Variants in TSPAN1 observed in about 807,000 individuals in gnomAD.
TSPAN1 encodes tetraspanin-1.
A neutral mutation model predicts 26.9 loss-of-function variants in TSPAN1; 23 were observed. That is an observed-to-expected ratio of 0.85 (90% CI 0.62 to 1.21). The LOEUF is 1.21. TSPAN1 is among the 50% of genes most tolerant of loss of function. TSPAN1 has a pLI of 0.00. For missense variants in TSPAN1, 283 were observed against 298.4 expected, an observed-to-expected ratio of 0.95 and a Z score of 0.38; for synonymous variants, 115 against 114.8, an observed-to-expected ratio of 1.00 and a Z score of -0.01.
intron 1 of TSPAN1, among the ~76,000 whole-genome samples, chr1:46,177,703 G>A (rs536944191): frequency 2.6e-5 from 4 of 152,338 alleles, no homozygotes; most frequent in African/African-American, 2.4e-5. Flanking sequence ...CTGGAAATAC[G>A]TGTGTTGGAC....
chr1:46,193,763 G>A, the TSPAN1 span: 1 of 1,597,256 alleles, frequency 6.3e-7, no homozygotes, highest in African/African-American at 1.3e-5. Flanking sequence ...AGAATCTATT[G>A]CCTTTCTGCC....
the TSPAN1 span, chr1:46,194,395 T>A: frequency 8.7e-6 from 14 of 1,614,072 alleles, no homozygotes; most frequent in Non-Finnish European, 1.2e-5. Context: ...CCAGTGGCAC[T>A]CTGCCTCTGA....
chr1:46,190,891 G>A, downstream of TSPAN1: 11 of 1,042,726 alleles, frequency 1.1e-5, no homozygotes, highest in South Asian at 2.6e-5. Context: ...TCCTAGACCT[G>A]TAAAGAGCCC....
intron 1 of TSPAN1, chr1:46,175,973 A>C (rs1273700790): frequency 1.9e-6 from 1 of 522,922 alleles, no homozygotes; most frequent in Non-Finnish European, 3.4e-6. Context: ...CCCGGGTTCA[A>C]GCAATTCTCC....
intron 3 of TSPAN1, among the ~76,000 whole-genome samples, chr1:46,182,538 C>T (rs1350404893): frequency 2.0e-5 from 3 of 151,772 alleles, no homozygotes; most frequent in African/African-American, 4.8e-5. Flanking sequence ...GGTGAAACCC[C>T]GTCTCTACTA....
At chr1:46,189,496 G>C, downstream of TSPAN1, 1 of 1,613,676 alleles carries the variant, frequency 6.2e-7, no homozygotes, top group African/African-American at 1.3e-5. Context: ...TCAGGAAGTG[G>C]TTCTTCTTCC....
chr1:46,176,360 T>G, intron 1 of TSPAN1: 2 of 1,535,764 alleles, frequency 1.3e-6, no homozygotes, highest in Non-Finnish European at 1.7e-6. Flanking sequence ...CTTCTGCGGC[T>G]ACACTTGAAC....
chr1:46,193,051 C>T, the TSPAN1 span: 13 of 1,602,518 alleles, frequency 8.1e-6, no homozygotes, highest in Non-Finnish European at 1.1e-5. Flanking sequence ...GCAGCATTAC[C>T]CCCATTTTCC....
chr1:46,184,154 G>A, intron 3 of TSPAN1, 37 bp from the exon 4 acceptor site: 1 of 1,609,308 alleles, frequency 6.2e-7, no homozygotes, highest in Non-Finnish European at 8.5e-7. Flanking sequence ...CTACTTGCCA[G>A]CACTGTTTAA....
the TSPAN1 span, chr1:46,195,341 G>T: frequency 2.7e-6 from 1 of 376,450 alleles, no homozygotes; most frequent in Non-Finnish European, 5.1e-6. Context: ...TTTCCACCTG[G>T]AATGCTCTTC....
rs1428290152 is a variant in TSPAN1 at position 46,184,916 on chromosome 1, G to A, written c.438+33G>A. 4 of 1,614,000 alleles carry A rather than the reference G, an allele frequency of 2.5e-6. No homozygotes were observed. The African/African-American group carries it at 4.0e-5, about 16-fold the overall frequency. ...TGGCTGGGGGAGGTTTTAGGGTGGA[G>A]AGAAAGAAGCAAGGCCCCACCTCCA... is the stretch of plus-strand genomic sequence containing the variant. On this transcript the variant is annotated intron_variant, in intron 6 of 8. Transcript: ENST00000372003.
chr1:46,181,010 TG>T, intron 2 of TSPAN1, 89 bp from the exon 3 acceptor site: 2 of 1,095,510 alleles, frequency 1.8e-6, no homozygotes, highest in Non-Finnish European at 2.7e-6. Context: ...TCCTGGGGTC[TG>T]GCATATCTGG....
the TSPAN1 span, chr1:46,192,286 C>G: frequency 3.0e-5 from 48 of 1,614,172 alleles, no homozygotes; most frequent in Non-Finnish European, 3.7e-5. Context: ...CTCCAGCCCC[C>G]TCACCCTACC....
At chr1:46,184,522 G>T (rs530889600) in intron 4 of TSPAN1, 72 bp from the exon 5 acceptor site, 22 of 1,605,708 alleles carry the variant, frequency 1.4e-5, no homozygotes, top group Admixed American at 1.2e-4. Context: ...ACTTTTCCGG[G>T]GGGGGGATTA....
chr1:46,194,569 T>C, the TSPAN1 span: 20 of 1,613,922 alleles, frequency 1.2e-5, no homozygotes, highest in Admixed American at 3.3e-5. Context: ...CTGAGCTCAA[T>C]GGCACATCTG....
chr1:46,189,890 T>C (rs1657615658), downstream of TSPAN1: 4 of 1,613,892 alleles, frequency 2.5e-6, no homozygotes, highest in Non-Finnish European at 1.7e-6. Context: ...AGTCATCATC[T>C]TTCTCCATTC....
chr1:46,184,338 G>C lies in TSPAN1; in HGVS notation c.205G>C (p.Ala69Pro). 1 of 1,614,172 alleles carries C rather than the reference G, an allele frequency of 6.2e-7. No individual in the cohort carries two copies. Among genetic ancestry groups the C allele is most frequent in the Non-Finnish European group, 8.5e-7 (1 of 1,180,020 alleles). Residue 69 changes from alanine to proline, a missense_variant, in exon 4 of 9, where the codon GCT becomes CCT. Coordinates refer to ENST00000372003, the MANE Select transcript of TSPAN1 (RefSeq NM_005727.4). ...CATCGCAGCCGGCGTTGTGGTCTTT[G>C]CTCTTGGTTTCCTGGGCTGCTATGG... ...FLIAAGVVVF[A>P]LGFLGCYGAK... is the part of the protein sequence containing the mutation.
downstream of TSPAN1, chr1:46,190,409 G>A: frequency 2.0e-6 from 3 of 1,519,124 alleles, no homozygotes; most frequent in South Asian, 3.4e-5. Context: ...GTAAATTATG[G>A]GGCCAAGATC....
intron 1 of TSPAN1, among the ~76,000 whole-genome samples, chr1:46,178,354 C>CA (rs34457165): frequency 0.35 from 49,746 of 141,886 alleles, 8,999 homozygotes; most frequent in East Asian, 0.51. Flanking sequence ...GAGATTCTGT[C>CA]AAAAAAAAAA....
Sources: allele counts gnomAD v4.1 joint callset (sites outside exome capture counted in the v4.1 genomes callset), GRCh38; gene constraint gnomAD v4.1.1; transcripts MANE v1.5; gene names NCBI Gene and HGNC (gene_info 2026-07-23, HGNC 2026-07-21).